Variants in PUM3 observed in about 807,000 individuals in gnomAD.
PUM3 encodes the protein pumilio RNA binding family member 3.
Under a neutral mutation model 84.0 loss-of-function variants are expected in PUM3, and 91 were observed. That is an observed-to-expected ratio of 1.08 (90% CI 0.91 to 1.29). The LOEUF (loss-of-function observed/expected upper bound fraction) is 1.29. PUM3 is among the 50% of genes most tolerant of loss of function. The pLI is 0.00. For synonymous variants in PUM3, 321 were observed against 266.7 expected (o/e 1.20, Z -1.98); for missense variants, 1,067 against 767.5 (o/e 1.39, Z -4.61).
intron 2 of PUM3, among the ~76,000 whole-genome samples, chr9:2,838,028 T>A (rs1352974860): frequency 1.3e-5 from 2 of 152,184 alleles, no homozygotes; most frequent in Non-Finnish European, 2.9e-5. Context: ...TTGACTTTTC[T>A]GTTTTACAAT....
rs540277318 is a variant in PUM3 at position 2,828,757 on chromosome 9, C to T, written c.874G>A (p.Asp292Asn). ...LYKSADHRTL[D>N]KVLEVQPEKL... ...TCTGGCTGTACCTCTAACACTTTGT[C>T]CAGAGTTCGGTGATCTGCTGACTGC... The change falls in exon 9 of 18, where the codon GAC becomes AAC. Residue 292 changes from aspartate to asparagine, a missense_variant. By Grantham distance (23) the Asp-to-Asn change is conservative. Transcript: ENST00000397885. 4.0e-5 allele frequency: 64 copies of T among 1,601,106 alleles called. No homozygotes were observed. The highest frequency in any genetic ancestry group is 5.3e-5 in the Non-Finnish European group (62 of 1,168,418).
intron 13 of PUM3, among the ~76,000 whole-genome samples, chr9:2,815,444 G>T (rs1461055662): frequency 1.3e-5 from 2 of 152,170 alleles, no homozygotes; most frequent in Non-Finnish European, 2.9e-5. Context: ...GTATAAATAG[G>T]TAAGAGACAG....
intron 10 of PUM3, among the ~76,000 whole-genome samples, chr9:2,825,374 C>T (rs569798451): frequency 4.1e-4 from 62 of 152,312 alleles, no homozygotes; most frequent in African/African-American, 1.3e-3. Context: ...TAGACTAAGA[C>T]CTCACCTATA....
rs777055858 is a variant in PUM3 at position 2,810,438 on chromosome 9, A to AG, written c.1636-8dup. On this transcript the variant is annotated splice_region_variant and splice_polypyrimidine_tract_variant and intron_variant, in intron 15 of 17. Transcript: ENST00000397885. ...GATGTTCTGCAATGTGAAGCTATGA[A>AG]GGGTCAAGAACAGTTAATTTTAAAA... The AG allele has an allele frequency of 4.4e-6, 7 of 1,591,976 alleles. No homozygotes were observed. In the East Asian group the frequency reaches 6.7e-5, roughly 15 times the overall value.
intron 4 of PUM3, 70 bp from the exon 5 acceptor site, chr9:2,833,502 C>G (rs916352823): frequency 2.4e-6 from 2 of 830,370 alleles, no homozygotes. Flanking sequence ...AAATTAAAAA[C>G]TGTACCAGTA....
intron 12 of PUM3, among the ~76,000 whole-genome samples, chr9:2,821,998 G>A (rs368300934): frequency 5.3e-5 from 8 of 152,268 alleles, no homozygotes; most frequent in Admixed American, 1.3e-4. Flanking sequence ...AAGTGAAGGA[G>A]ACAAAATATA....
chr9:2,820,802 G>A (rs758272331), intron 12 of PUM3, among the ~76,000 whole-genome samples: 1 of 152,098 alleles, frequency 6.6e-6, no homozygotes, highest in Non-Finnish European at 1.5e-5. Flanking sequence ...TACACATGTG[G>A]CTTTCACAAC....
chr9:2,811,361 C>G lies in PUM3; in HGVS notation c.1635G>C (p.Glu545Asp). 8 of 1,613,736 alleles carry G rather than the reference C, an allele frequency of 5.0e-6. No homozygotes were observed. The highest frequency in any genetic ancestry group is 1.1e-5 in the South Asian group (1 of 91,068). The change falls in exon 15 of 18, where the codon GAG becomes GAC. Residue 545 changes from glutamate (E) to aspartate (D), a missense_variant and splice_region_variant. Transcript: ENST00000397885. The part of the protein sequence containing the change: ...TGLHPGGKDG[E>D]LHIAEHPAGH... ...TGCCTGTGCTTTAATGGCACATTAC[C>G]TCTCCGTCCTTGCCACCAGGATGCA...
At chr9:2,820,855 G>A (rs541171158) in intron 12 of PUM3, among the ~76,000 whole-genome samples, 2 of 152,150 alleles carry the variant, frequency 1.3e-5, no homozygotes, top group African/African-American at 4.8e-5. Flanking sequence ...TGCTAATACT[G>A]TTCCAAACAT....
chr9:2,823,808 C>T lies in PUM3; in HGVS notation c.1161G>A (p.Met387Ile), dbSNP rs766487354. ...TAGCCACCTTTTCAACATAAGTCTT[C>T]ATTGTTTTCACAATCACTTTCCTGT... Reference protein sequence around the residue: ...PKDRKVIVKTMKTYVEKVANG... With the variant: ...PKDRKVIVKTIKTYVEKVANG... Residue 387 changes from methionine to isoleucine, a missense_variant, in exon 12 of 18, where the codon ATG becomes ATA. Physicochemically the swap from Met to Ile is conservative, Grantham distance 10. Coordinates refer to ENST00000397885, the MANE Select transcript of PUM3 (RefSeq NM_014878.5). 109 of 1,527,972 alleles carry T rather than the reference C, an allele frequency of 7.1e-5. 1 individual carries two copies. The East Asian group carries it at 2.5e-3, about 35-fold the overall frequency. 94.7% of individuals were successfully genotyped at this position (1,527,972 alleles called of 1,614,324 possible).
At position 2,829,868 on chromosome 9, in the gene PUM3, G is replaced by A; in HGVS notation, c.758C>T (p.Ala253Val). The change falls in exon 8 of 18, where the codon GCC becomes GTC. Residue 253 changes from alanine (A) to valine (V), a missense_variant. Coordinates refer to ENST00000397885, the MANE Select transcript of PUM3 (RefSeq NM_014878.5). ...GTCATTGTATGCGTACTCCACGATG[G>A]CTGATGCTTCCGCATGCCGCAGCAT... ...RKMLRHAEAS[A>V]IVEYAYNDKA... The A allele has an allele frequency of 6.2e-7, 1 of 1,613,960 alleles. No homozygotes were observed. The highest frequency in any genetic ancestry group is 8.5e-7 in the Non-Finnish European group (1 of 1,179,884).
chr9:2,806,471 G>A (rs970807269), intron 17 of PUM3, among the ~76,000 whole-genome samples: 3 of 146,886 alleles, frequency 2.0e-5, no homozygotes, highest in Non-Finnish European at 4.4e-5. Flanking sequence ...AAACAACATA[G>A]ATTAAGTTGC....
At chr9:2,831,430 T>C in intron 5 of PUM3, 86 bp from the exon 6 acceptor site, 3 of 852,126 alleles carry the variant, frequency 3.5e-6, no homozygotes, top group Non-Finnish European at 3.8e-6. Context: ...TGGAATTTCT[T>C]GTTAGAAAAA....
At chr9:2,813,429 G>A (rs144460257) in intron 13 of PUM3, among the ~76,000 whole-genome samples, 1 of 152,284 alleles carries the variant, frequency 6.6e-6, no homozygotes, top group Non-Finnish European at 1.5e-5. Flanking sequence ...TTCAGAACTG[G>A]CTGGGCCTCG....
chr9:2,820,068 C>G lies in PUM3; in HGVS notation c.1219G>C (p.Ala407Pro), dbSNP rs1821557166. The G allele has an allele frequency of 6.2e-7, 1 of 1,612,684 alleles. No individual in the cohort carries two copies. Among genetic ancestry groups the G allele is most frequent in the East Asian group, 2.2e-5 (1 of 44,818 alleles). Residue 407 changes from alanine (A) to proline (P), a missense_variant, in exon 13 of 18, where the codon GCA becomes CCA. By Grantham distance (27) the Ala-to-Pro change is conservative (BLOSUM62 -1). Transcript: ENST00000397885. ...TTAGTATCATCAATACAATCAAATG[C>G]CGCCAGTAAAACCAAATGGGAGTAT... ...GQYSHLVLLA[A>P]FDCIDDTKLV...
Position 2,841,615 on chromosome 9 carries a change from T to C in PUM3, c.-11+2430A>G, listed in dbSNP as rs117719196. On this transcript the variant is annotated intron_variant, in intron 1 of 17. Coordinates refer to ENST00000397885, the MANE Select transcript of PUM3 (RefSeq NM_014878.5). Reference sequence around the variant, plus strand: ...TTAATAAACATTTCAGACAAGATGTTTGGAGAATATATGGACATCCTACCT... The same window carrying C: ...TTAATAAACATTTCAGACAAGATGTCTGGAGAATATATGGACATCCTACCT... Among the ~76,000 whole-genome samples, 35 of 152,198 alleles carry C rather than the reference T, an allele frequency of 2.3e-4. No homozygotes were observed. The East Asian group carries it at 6.6e-3, about 29-fold the overall frequency.
chr9:2,841,462 G>C (rs928319486), intron 1 of PUM3, among the ~76,000 whole-genome samples: 1 of 152,134 alleles, frequency 6.6e-6, no homozygotes, highest in African/African-American at 2.4e-5. Context: ...CAGCTACTCA[G>C]GGGGCTGAGG....
intron 3 of PUM3, 51 bp from the exon 4 acceptor site, chr9:2,834,217 T>C (rs760820241): frequency 6.7e-7 from 1 of 1,503,590 alleles, no homozygotes; most frequent in Non-Finnish European, 9.1e-7. Flanking sequence ...CTAAGTGTCA[T>C]ACACCAATAC....
chr9:2,839,566 G>C (rs768334288), intron 1 of PUM3, among the ~76,000 whole-genome samples: 2 of 152,200 alleles, frequency 1.3e-5, no homozygotes, highest in Non-Finnish European at 2.9e-5. Context: ...TCCAACTCCA[G>C]TTGAACCACT....
Sources: gnomAD v4.1 joint callset for allele counts (sites outside exome capture counted in the v4.1 genomes callset) on GRCh38, gnomAD v4.1.1 for gene constraint, MANE v1.5 for transcripts, NCBI Gene and HGNC (gene_info 2026-07-23, HGNC 2026-07-21) for gene names.